MTCL3: variants seen among roughly 807,000 people sequenced by gnomAD.
The protein encoded by MTCL3 is microtubule cross-linking factor 3.
At chr6:127,488,811 G>A in the MTCL3 span, among the ~76,000 whole-genome samples, 1 of 152,144 alleles carries the variant, frequency 6.6e-6, no homozygotes, top group Non-Finnish European at 1.5e-5. Flanking sequence ...CACATCTGTG[G>A]ATTCAACCAA....
the MTCL3 span, chr6:127,476,226 G>A: frequency 6.2e-7 from 1 of 1,614,150 alleles, no homozygotes; most frequent in Non-Finnish European, 8.5e-7. The surrounding 1 kb of genome is among the most constrained non-coding windows in gnomAD (Gnocchi z 4.4). Flanking sequence ...TCCTGCCCAG[G>A]ATGTTGGCTT....
the MTCL3 span, among the ~76,000 whole-genome samples, chr6:127,512,015 C>T: frequency 2.0e-5 from 3 of 152,158 alleles, no homozygotes; most frequent in Non-Finnish European, 4.4e-5. Flanking sequence ...TGCTATTTCT[C>T]AATGGTAGTT....
At chr6:127,483,134 C>T in the MTCL3 span, 9 of 575,874 alleles carry the variant, frequency 1.6e-5, no homozygotes, top group Middle Eastern at 9.8e-4. Context: ...AAATCCTAAA[C>T]CAGATAGATT....
chr6:127,507,881 G>T, the MTCL3 span, among the ~76,000 whole-genome samples: 2 of 140,848 alleles, frequency 1.4e-5, no homozygotes, highest in African/African-American at 2.7e-5. Flanking sequence ...GAAAAAAAAT[G>T]CATTCATAAC....
At chr6:127,514,955 C>G in the MTCL3 span, 12 of 1,614,036 alleles carry the variant, frequency 7.4e-6, no homozygotes, top group Non-Finnish European at 1.0e-5. Flanking sequence ...CTCTCTCCAA[C>G]TCGTGGCGCA....
the MTCL3 span, among the ~76,000 whole-genome samples, chr6:127,496,326 C>T: frequency 6.6e-6 from 1 of 152,194 alleles, no homozygotes; most frequent in Non-Finnish European, 1.5e-5. Context: ...AAGGCCAAGA[C>T]AAAAACGTAA....
the MTCL3 span, among the ~76,000 whole-genome samples, chr6:127,514,307 T>C: frequency 6.6e-6 from 1 of 152,180 alleles, no homozygotes; most frequent in African/African-American, 2.4e-5. Flanking sequence ...AAGTGGCAAG[T>C]GCAGAAAGGA....
chr6:127,473,906 G>T, the MTCL3 span, among the ~76,000 whole-genome samples: 13 of 152,170 alleles, frequency 8.5e-5, no homozygotes, highest in African/African-American at 2.9e-4. Flanking sequence ...CTGACAAAAT[G>T]CATTGGTCTT....
chr6:127,496,146 T>A, the MTCL3 span, among the ~76,000 whole-genome samples: 3 of 152,294 alleles, frequency 2.0e-5, no homozygotes, highest in Admixed American at 1.3e-4. Context: ...GAATAAAATA[T>A]TCCACATATT....
the MTCL3 span, among the ~76,000 whole-genome samples, chr6:127,489,228 C>T: frequency 6.6e-6 from 1 of 152,162 alleles, no homozygotes; most frequent in Non-Finnish European, 1.5e-5. Context: ...ATTAACTTCA[C>T]TGATATAAAT....
the MTCL3 span, among the ~76,000 whole-genome samples, chr6:127,502,832 G>C: frequency 6.6e-6 from 1 of 152,150 alleles, no homozygotes; most frequent in African/African-American, 2.4e-5. Flanking sequence ...TTTAAAAGGT[G>C]ATTAAATTGA....
At chr6:127,512,170 T>G in the MTCL3 span, among the ~76,000 whole-genome samples, 1 of 152,342 alleles carries the variant, frequency 6.6e-6, no homozygotes, top group African/African-American at 2.4e-5. Context: ...ACCTTGATTC[T>G]GTTCTTTTAG....
chr6:127,485,488 C>T, the MTCL3 span, among the ~76,000 whole-genome samples: 2 of 151,940 alleles, frequency 1.3e-5, no homozygotes, highest in African/African-American at 4.8e-5. Flanking sequence ...ACTAAATGCT[C>T]CTATTGAGCA....
At chr6:127,510,710 A>T in the MTCL3 span, among the ~76,000 whole-genome samples, 4 of 152,238 alleles carry the variant, frequency 2.6e-5, no homozygotes, top group Non-Finnish European at 5.9e-5. Context: ...GGAATATGAG[A>T]GAGCACAAGT....
chr6:127,474,427 C>A, the MTCL3 span, among the ~76,000 whole-genome samples: 1 of 151,478 alleles, frequency 6.6e-6, no homozygotes, highest in Admixed American at 6.6e-5. Context: ...TACAGGAGTG[C>A]GCCACCACAC....
chr6:127,513,001 C>G, the MTCL3 span: 3 of 1,611,718 alleles, frequency 1.9e-6, no homozygotes, highest in Non-Finnish European at 2.5e-6. Context: ...CTCTTTTCTT[C>G]CACATTTTCT....
the MTCL3 span, among the ~76,000 whole-genome samples, chr6:127,492,306 C>A: frequency 3.5e-4 from 34 of 97,776 alleles, no homozygotes; most frequent in African/African-American, 1.3e-3. Flanking sequence ...ATCTACCAAA[C>A]ATTCTTCACC....
the MTCL3 span, chr6:127,512,851 T>C: frequency 6.4e-7 from 1 of 1,552,636 alleles, no homozygotes; most frequent in Non-Finnish European, 8.7e-7. Context: ...TTTAAAGGGC[T>C]AAAAATACAT....
the MTCL3 span, chr6:127,516,124 C>T: frequency 6.8e-7 from 1 of 1,463,088 alleles, no homozygotes; most frequent in Non-Finnish European, 9.0e-7. Flanking sequence ...TCCCCCTTCT[C>T]CGAGCGGAGG....
Sources: gnomAD v4.1 joint callset for allele counts (sites outside exome capture counted in the v4.1 genomes callset) on GRCh38, gnomAD v4.1.1 for gene constraint, Gnocchi (gnomAD v3.1) non-coding constraint, MANE v1.5 for transcripts, NCBI Gene and HGNC (gene_info 2026-07-23, HGNC 2026-07-21) for gene names.